Variants in PPP1R36 observed in about 807,000 individuals in gnomAD.
PPP1R36 encodes the protein protein phosphatase 1 regulatory subunit 36, also known as chromosome 14 open reading frame 50.
Under a neutral mutation model 53.4 loss-of-function variants are expected in PPP1R36, and 47 were observed. The observed-to-expected ratio is 0.88, with a 90% confidence interval of 0.70 to 1.12. The LOEUF is 1.12. Ranked by LOEUF, PPP1R36 falls within the 50% of genes most tolerant of loss-of-function variation. PPP1R36 has a pLI of 0.00. For synonymous variants in PPP1R36, 153 were observed against 170.5 expected (o/e 0.90, Z 0.80); for missense variants, 456 against 513.9 (o/e 0.89, Z 1.09).
intron 2 of PPP1R36, among the ~76,000 whole-genome samples, chr14:64,552,052 A>G (rs535002601): frequency 6.6e-6 from 1 of 152,336 alleles, no homozygotes; most frequent in Non-Finnish European, 1.5e-5. Flanking sequence ...GAGGATTGAC[A>G]GGATGTTTGG....
chr14:64,571,667 G>T (rs1055965778), intron 7 of PPP1R36, among the ~76,000 whole-genome samples: 2 of 152,098 alleles, frequency 1.3e-5, no homozygotes, highest in African/African-American at 2.4e-5. Context: ...ATACCTGACC[G>T]TATTGCTGCT....
At chr14:64,564,666 G>C (rs1475673325) in intron 3 of PPP1R36, 85 bp from the exon 4 acceptor site, 1 of 869,736 alleles carries the variant, frequency 1.1e-6, no homozygotes, top group African/African-American at 1.7e-5. Flanking sequence ...ATATATGCTA[G>C]TCCAAAGATT....
intron 7 of PPP1R36, among the ~76,000 whole-genome samples, chr14:64,571,089 T>G (rs2080299649): frequency 6.6e-6 from 1 of 151,150 alleles, no homozygotes; most frequent in South Asian, 2.1e-4. Context: ...AATTTTTAGC[T>G]TCTGAACAAT....
intron 8 of PPP1R36, among the ~76,000 whole-genome samples, chr14:64,583,713 C>A (rs528636151): frequency 1.5e-4 from 22 of 146,724 alleles, no homozygotes; most frequent in African/African-American, 4.8e-4. Context: ...ACTTGGGAGG[C>A]TGAGGCAGGA....
chr14:64,553,823 TA>T (rs11441855), intron 3 of PPP1R36, among the ~76,000 whole-genome samples: 86 of 82,584 alleles, frequency 1.0e-3, no homozygotes, highest in East Asian at 7.7e-3. Context: ...AAGTTATAAC[TA>T]AAAAAAAAAA....
chr14:64,580,134 C>T (rs2080377440), intron 8 of PPP1R36, among the ~76,000 whole-genome samples: 1 of 151,806 alleles, frequency 6.6e-6, no homozygotes, highest in African/African-American at 2.4e-5. Flanking sequence ...AGCCTCTCTC[C>T]AGAAAAAAAT....
intron 3 of PPP1R36, among the ~76,000 whole-genome samples, chr14:64,560,441 GAA>G (rs71123862): frequency 8.5e-6 from 1 of 117,974 alleles, no homozygotes; most frequent in Non-Finnish European, 1.8e-5. Flanking sequence ...CCTATCTCAA[GAA>G]AAAAAAAAAA....
chr14:64,570,072 C>T (rs2140234743), intron 7 of PPP1R36, among the ~76,000 whole-genome samples: 1 of 152,164 alleles, frequency 6.6e-6, no homozygotes, highest in East Asian at 1.9e-4. Flanking sequence ...GATAATAAGA[C>T]AGGTTTTCTA....
intron 8 of PPP1R36, among the ~76,000 whole-genome samples, chr14:64,582,551 T>C (rs930292402): frequency 2.6e-5 from 4 of 152,246 alleles, no homozygotes; most frequent in Non-Finnish European, 4.4e-5. Flanking sequence ...CACGCGGCTG[T>C]TGAGCACTTT....
At chr14:64,577,947 G>A (rs748097593) in intron 8 of PPP1R36, among the ~76,000 whole-genome samples, 85 of 151,706 alleles carry the variant, frequency 5.6e-4, no homozygotes, top group Admixed American at 1.3e-3. Context: ...GAATGGTCTC[G>A]ATCTCCTGAC....
intron 8 of PPP1R36, among the ~76,000 whole-genome samples, chr14:64,574,798 C>T (rs1052147370): frequency 1.3e-5 from 2 of 152,200 alleles, no homozygotes; most frequent in Admixed American, 6.5e-5. Flanking sequence ...AGAATCTCAG[C>T]GGATATTTTT....
At chr14:64,560,571 G>A (rs535771038) in intron 3 of PPP1R36, among the ~76,000 whole-genome samples, 52 of 152,266 alleles carry the variant, frequency 3.4e-4, no homozygotes, top group African/African-American at 1.1e-3. Flanking sequence ...CTAAAATTAG[G>A]ATGGTGGCAG....
chr14:64,583,389 G>A (rs926465335), intron 8 of PPP1R36, among the ~76,000 whole-genome samples: 2 of 152,090 alleles, frequency 1.3e-5, no homozygotes, highest in Non-Finnish European at 2.9e-5. Context: ...TGTATTCACT[G>A]TATGCACCCA....
chr14:64,557,834 C>T (rs2080169048), intron 3 of PPP1R36, among the ~76,000 whole-genome samples: 1 of 152,034 alleles, frequency 6.6e-6, no homozygotes, highest in South Asian at 2.1e-4. Flanking sequence ...GATGGTAAAA[C>T]CCCGTCTCTA....
chr14:64,564,661 T>G (rs1426875596), intron 3 of PPP1R36, 90 bp from the exon 4 acceptor site: 1 of 813,552 alleles, frequency 1.2e-6, no homozygotes, highest in African/African-American at 1.7e-5. Context: ...TGATAATATA[T>G]GCTAGTCCAA....
At chr14:64,553,630 TA>T (rs2080115606) in intron 3 of PPP1R36, among the ~76,000 whole-genome samples, 1 of 151,628 alleles carries the variant, frequency 6.6e-6, no homozygotes, top group Admixed American at 6.6e-5. Flanking sequence ...TAAGAGGAAA[TA>T]AAAAATAGTG....
At chr14:64,586,982 A>G (rs1741238949) in intron 9 of PPP1R36, 103 bp downstream of exon 9, 2 of 1,003,780 alleles carry the variant, frequency 2.0e-6, no homozygotes, top group Non-Finnish European at 3.1e-6. Flanking sequence ...CCTTTCTAAA[A>G]GACGGTGCTA....
chr14:64,565,504 T>C (rs1310920931), intron 5 of PPP1R36, 50 bp downstream of exon 5: 2 of 1,458,170 alleles, frequency 1.4e-6, no homozygotes, highest in Non-Finnish European at 9.6e-7. Flanking sequence ...TGTACATACA[T>C]ACACATATCC....
chr14:64,571,136 G>C (rs533455735), intron 7 of PPP1R36, among the ~76,000 whole-genome samples: 1 of 152,062 alleles, frequency 6.6e-6, no homozygotes, highest in East Asian at 1.9e-4. Flanking sequence ...TTGTTTGTTT[G>C]TTTGTTTGAA....
Sources: gnomAD v4.1 joint callset for allele counts (sites outside exome capture counted in the v4.1 genomes callset) on GRCh38, gnomAD v4.1.1 for gene constraint, MANE v1.5 for transcripts, NCBI Gene and HGNC (gene_info 2026-07-23, HGNC 2026-07-21) for gene names.